CDKL4: variants seen among roughly 807,000 people sequenced by gnomAD.
CDKL4 encodes cyclin-dependent kinase-like 4.
Under a neutral mutation model 42.0 loss-of-function variants are expected in CDKL4, and 44 were observed. The ratio of observed to expected loss-of-function variants is 1.05; its 90% confidence interval spans 0.82 to 1.35. The LOEUF is 1.35. Among genes scored for constraint, CDKL4 ranks in the 40% most tolerant of loss-of-function variants. The pLI is 0.00. For synonymous variants in CDKL4, 120 were observed against 121.6 expected, an observed-to-expected ratio of 0.99 and a Z score of 0.09; for missense variants, 393 against 369.9, an observed-to-expected ratio of 1.06 and a Z score of -0.51.
upstream of CDKL4, among the ~76,000 whole-genome samples, chr2:39,243,978 G>GAGCCA (rs1363704095): frequency 6.6e-6 from 1 of 152,212 alleles, no homozygotes; most frequent in East Asian, 1.9e-4. Flanking sequence ...AGCGACTTCG[G>GAGCCA]AGCCAGCGGA....
chr2:39,187,808 C>G (rs1055569221), intron 6 of CDKL4, 99 bp from the exon 7 acceptor site: 5 of 745,404 alleles, frequency 6.7e-6, no homozygotes, highest in Non-Finnish European at 1.1e-5. Flanking sequence ...TGGCTCACAC[C>G]TGTAATTCCA....
At chr2:39,242,909 C>A (rs959104459) in intron 1 of CDKL4, among the ~76,000 whole-genome samples, 55 of 151,642 alleles carry the variant, frequency 3.6e-4, no homozygotes, top group African/African-American at 1.3e-3. Flanking sequence ...ACCAGCCTGG[C>A]CAATGTGGTG....
At chr2:39,244,006 CG>C (rs1679798372), upstream of CDKL4, among the ~76,000 whole-genome samples, 1 of 152,268 alleles carries the variant, frequency 6.6e-6, no homozygotes, top group Non-Finnish European at 1.5e-5. Flanking sequence ...CAGCGTCTCC[CG>C]GGCAACCGGA....
downstream of CDKL4, among the ~76,000 whole-genome samples, chr2:39,173,778 A>T (rs955849479): frequency 2.8e-5 from 4 of 144,960 alleles, no homozygotes; most frequent in East Asian, 8.2e-4. Context: ...GTGCCACTGC[A>T]CTCCAGCCTG....
At chr2:39,201,003 A>C (rs927586988) in intron 5 of CDKL4, among the ~76,000 whole-genome samples, 3 of 152,214 alleles carry the variant, frequency 2.0e-5, no homozygotes, top group African/African-American at 7.2e-5. Context: ...TGCACAGCAA[A>C]AGAAATAATC....
At chr2:39,244,527 G>T (rs1359346326), upstream of CDKL4, among the ~76,000 whole-genome samples, 1 of 152,230 alleles carries the variant, frequency 6.6e-6, no homozygotes, top group African/African-American at 2.4e-5. Context: ...CAGGGCTTGG[G>T]ACCTGCAGCC....
At chr2:39,188,499 T>G (rs1049615973) in intron 6 of CDKL4, among the ~76,000 whole-genome samples, 1 of 124,464 alleles carries the variant, frequency 8.0e-6, no homozygotes, top group East Asian at 2.7e-4. Context: ...GAGGCGGAGG[T>G]TGCAGTGAGC....
intron 5 of CDKL4, among the ~76,000 whole-genome samples, chr2:39,192,962 CA>C (rs1453058025): frequency 6.7e-6 from 1 of 149,320 alleles, no homozygotes; most frequent in Non-Finnish European, 1.5e-5. Context: ...CTTGTCCCTA[CA>C]AAAAAAATAA....
chr2:39,193,232 G>A (rs1166293277), intron 5 of CDKL4, among the ~76,000 whole-genome samples: 8 of 147,170 alleles, frequency 5.4e-5, no homozygotes, highest in African/African-American at 1.8e-4. Context: ...CTAGATATTC[G>A]AGACCAGCCT....
At chr2:39,236,803 T>G (rs187646436) in intron 1 of CDKL4, among the ~76,000 whole-genome samples, 2 of 152,180 alleles carry the variant, frequency 1.3e-5, no homozygotes, top group South Asian at 2.1e-4. Context: ...GTTGGACAAG[T>G]GCCTAGAAAG....
intron 4 of CDKL4, among the ~76,000 whole-genome samples, chr2:39,211,410 G>A (rs993170772): frequency 1.3e-5 from 2 of 152,074 alleles, no homozygotes; most frequent in Admixed American, 6.6e-5. Context: ...ATATAGCAAA[G>A]GTACCAGGAG....
intron 9 of CDKL4, chr2:39,178,771 A>C: frequency 6.3e-7 from 1 of 1,591,348 alleles, no homozygotes; most frequent in South Asian, 1.1e-5. Context: ...TGTGGGTGAA[A>C]AGATGGAAGA....
intron 5 of CDKL4, among the ~76,000 whole-genome samples, chr2:39,198,165 C>T (rs751420699): frequency 1.2e-4 from 18 of 150,380 alleles, no homozygotes; most frequent in Non-Finnish European, 1.8e-4. Flanking sequence ...CCAGTGGACA[C>T]CAAAAGTGAG....
At chr2:39,217,562 T>C (rs1021191052) in intron 3 of CDKL4, among the ~76,000 whole-genome samples, 3 of 152,176 alleles carry the variant, frequency 2.0e-5, no homozygotes, top group Admixed American at 6.5e-5. Flanking sequence ...AATCCAGCCT[T>C]GTTACTATGG....
rs142216036 is a variant in CDKL4, at chr2:39,219,747, G to A, written c.290+6092C>T. On this transcript the variant is annotated intron_variant, in intron 3 of 9. Coordinates refer to ENST00000451199, the Ensembl canonical transcript of CDKL4. ...GAAAAGGGAATTTAAATAATCACCT[G>A]AGGCCATCTGGAATAAAATGCCTAT... Among the ~76,000 whole-genome samples the A allele has an allele frequency of 2.3e-3, 351 of 152,258 alleles. 3 individuals are homozygous for A. Among genetic ancestry groups the A allele is most frequent in the African/African-American group, 8.1e-3 (335 of 41,536 alleles).
At chr2:39,228,858 T>C (rs1236410645) in intron 2 of CDKL4, among the ~76,000 whole-genome samples, 1 of 152,144 alleles carries the variant, frequency 6.6e-6, no homozygotes, top group East Asian at 1.9e-4. Context: ...CTTATCAGAG[T>C]GAAAACAATT....
rs576384210 is a variant in CDKL4, at chr2:39,236,975, G to T, written c.-57+6896C>A. On this transcript the variant is annotated intron_variant, in intron 1 of 9. Coordinates refer to ENST00000451199, the Ensembl canonical transcript of CDKL4. ...ACCAAACATTACCTAAGAAAAATTA[G>T]TATCAATCCTTTGCAAACTATTTGA... Among the ~76,000 whole-genome samples the T allele has an allele frequency of 3.3e-4, 51 of 152,274 alleles. 1 individual carries two copies. Among genetic ancestry groups the T allele is most frequent in the African/African-American group, 1.2e-3 (51 of 41,554 alleles).
upstream of CDKL4, among the ~76,000 whole-genome samples, chr2:39,247,008 G>A (rs111648031): frequency 3.3e-3 from 504 of 152,312 alleles, 3 homozygotes; most frequent in African/African-American, 0.012. Flanking sequence ...GCCTCCCAGT[G>A]TTGGGATTAG....
At chr2:39,201,488 G>T (rs547301872) in intron 5 of CDKL4, among the ~76,000 whole-genome samples, 1 of 152,082 alleles carries the variant, frequency 6.6e-6, no homozygotes, top group East Asian at 1.9e-4. Context: ...GAGAGGAAAA[G>T]AAGTCATTAT....
Sources: allele counts gnomAD v4.1 joint callset (sites outside exome capture counted in the v4.1 genomes callset), GRCh38; gene constraint gnomAD v4.1.1; transcripts MANE v1.5; gene names NCBI Gene and HGNC (gene_info 2026-07-23, HGNC 2026-07-21).